SGCZ: variants seen among roughly 807,000 people sequenced by gnomAD.
SGCZ encodes zeta-sarcoglycan.
SGCZ carries 40 observed loss-of-function variants against 41.3 expected under a neutral mutation model. The ratio of observed to expected loss-of-function variants is 0.97; its 90% CI spans 0.75 to 1.26. The LOEUF (loss-of-function observed/expected upper bound fraction) is 1.26, where lower values mean the gene tolerates loss of function less well. SGCZ is among the 50% of genes most tolerant of loss of function. The pLI is 0.00. For missense variants in SGCZ, 552 were observed against 369.8 expected, an observed-to-expected ratio of 1.49 and a Z score of -4.04; for synonymous variants, 206 against 137.5, an observed-to-expected ratio of 1.50 and a Z score of -3.49.
chr8:14,289,832 T>A (rs6419066), intron 3 of SGCZ, among the ~76,000 whole-genome samples: 104,832 of 147,646 alleles, frequency 0.71, 38,130 homozygotes, highest in Non-Finnish European at 0.8. Flanking sequence ...TTAAAAAAAA[T>A]AAAAAGAAAA....
At chr8:14,569,854 A>G (rs1804497593) in intron 1 of SGCZ, among the ~76,000 whole-genome samples, 1 of 151,690 alleles carries the variant, frequency 6.6e-6, no homozygotes, top group Non-Finnish European at 1.5e-5. Flanking sequence ...TTCAGGGTGG[A>G]GTGGGGAGGC....
At chr8:14,155,419 T>A (rs1219659348) in intron 5 of SGCZ, among the ~76,000 whole-genome samples, 1 of 152,124 alleles carries the variant, frequency 6.6e-6, no homozygotes, top group Non-Finnish European at 1.5e-5. Flanking sequence ...CCCACTGGAG[T>A]TACTTTTCCC....
At chr8:14,873,825 C>A (rs1356290269) in intron 1 of SGCZ, among the ~76,000 whole-genome samples, 1 of 152,088 alleles carries the variant, frequency 6.6e-6, no homozygotes, top group Non-Finnish European at 1.5e-5. Flanking sequence ...GAATAGGAAC[C>A]TTTAAAAATG....
At chr8:14,978,528 G>A (rs1043531480) in intron 1 of SGCZ, among the ~76,000 whole-genome samples, 1 of 136,286 alleles carries the variant, frequency 7.3e-6, no homozygotes, top group African/African-American at 2.8e-5. Flanking sequence ...TGCATTTGGT[G>A]TATTTCACCT....
At chr8:14,509,596 CAGA>C (rs1298195367) in intron 2 of SGCZ, among the ~76,000 whole-genome samples, 1 of 152,076 alleles carries the variant, frequency 6.6e-6, no homozygotes. Flanking sequence ...AATTTCGCAC[CAGA>C]AGAACATGAA....
chr8:14,289,403 G>A (rs982571359), intron 3 of SGCZ, among the ~76,000 whole-genome samples: 1 of 151,958 alleles, frequency 6.6e-6, no homozygotes, highest in Non-Finnish European at 1.5e-5. Flanking sequence ...TGTAGTGTTA[G>A]TTGTTATACT....
chr8:14,929,687 G>C (rs779200082), intron 1 of SGCZ, among the ~76,000 whole-genome samples: 1 of 152,038 alleles, frequency 6.6e-6, no homozygotes, highest in Non-Finnish European at 1.5e-5. Flanking sequence ...TGTTATGTCA[G>C]AGATAAACTA....
chr8:14,396,871 TA>T, intron 2 of SGCZ, among the ~76,000 whole-genome samples: 1 of 152,036 alleles, frequency 6.6e-6, no homozygotes, highest in Non-Finnish European at 1.5e-5. Context: ...ATTGTGCATT[TA>T]AAAAAAGACA....
At chr8:14,177,270 C>T (rs1238352207) in intron 4 of SGCZ, among the ~76,000 whole-genome samples, 2 of 152,036 alleles carry the variant, frequency 1.3e-5, no homozygotes, top group South Asian at 2.1e-4. Flanking sequence ...GCTGTTGTTG[C>T]AATAAGGCTG....
At chr8:15,228,941 C>T (rs952968776) in intron 1 of SGCZ, among the ~76,000 whole-genome samples, 1 of 152,134 alleles carries the variant, frequency 6.6e-6, no homozygotes, top group Admixed American at 6.5e-5. Flanking sequence ...CACCTGTAAT[C>T]CCAGCACTTT....
At chr8:14,785,805 G>A (rs1050439667) in intron 1 of SGCZ, among the ~76,000 whole-genome samples, 3 of 152,124 alleles carry the variant, frequency 2.0e-5, no homozygotes, top group South Asian at 2.1e-4. Context: ...CTAAGCAGGC[G>A]TAGGATTGTG....
intron 1 of SGCZ, among the ~76,000 whole-genome samples, chr8:14,769,040 C>A (rs1800139984): frequency 6.6e-6 from 1 of 151,778 alleles, no homozygotes; most frequent in South Asian, 2.1e-4. Flanking sequence ...CACACACACA[C>A]AAACACACAC....
At chr8:14,233,698 A>T (rs2117156461) in intron 4 of SGCZ, among the ~76,000 whole-genome samples, 1 of 150,860 alleles carries the variant, frequency 6.6e-6, no homozygotes, top group Admixed American at 6.6e-5. Context: ...TTTGATAGAA[A>T]GTCATGGAAA....
intron 2 of SGCZ, among the ~76,000 whole-genome samples, chr8:14,383,326 G>A (rs896004762): frequency 5.9e-5 from 9 of 152,268 alleles, no homozygotes; most frequent in East Asian, 1.9e-4. Context: ...AACACACATC[G>A]AATTTCTATG....
At chr8:15,222,686 G>A (rs1801643094) in intron 1 of SGCZ, among the ~76,000 whole-genome samples, 1 of 152,032 alleles carries the variant, frequency 6.6e-6, no homozygotes, top group Non-Finnish European at 1.5e-5. Flanking sequence ...CTGCTTGGCT[G>A]GTCAAGGTCT....
intron 2 of SGCZ, among the ~76,000 whole-genome samples, chr8:14,381,429 C>T (rs1190885344): frequency 6.6e-6 from 1 of 152,070 alleles, no homozygotes; most frequent in South Asian, 2.1e-4. Context: ...CTTCCTGCCC[C>T]CTCATTCCCA....
At chr8:14,161,952 G>T (rs976864583) in intron 5 of SGCZ, among the ~76,000 whole-genome samples, 1 of 151,912 alleles carries the variant, frequency 6.6e-6, no homozygotes, top group Non-Finnish European at 1.5e-5. Context: ...GAGGAAGAAG[G>T]GAGAGAGAGA....
chr8:14,277,143 A>G (rs1014568486), intron 3 of SGCZ, among the ~76,000 whole-genome samples: 4 of 152,198 alleles, frequency 2.6e-5, no homozygotes, highest in Non-Finnish European at 5.9e-5. Flanking sequence ...TTCCTCTCAC[A>G]TATTAAATAG....
At chr8:14,096,305 A>G (rs1405146116) in intron 7 of SGCZ, among the ~76,000 whole-genome samples, 1 of 152,148 alleles carries the variant, frequency 6.6e-6, no homozygotes, top group Non-Finnish European at 1.5e-5. Flanking sequence ...GAGAGTTTTT[A>G]GCATGAAGGG....
Sources: allele counts gnomAD v4.1 joint callset (sites outside exome capture counted in the v4.1 genomes callset), GRCh38; gene constraint gnomAD v4.1.1; transcripts MANE v1.5; gene names NCBI Gene and HGNC (gene_info 2026-07-23, HGNC 2026-07-21).